SPIN1: variants seen among roughly 807,000 people sequenced by gnomAD.
The protein encoded by SPIN1 is spindlin 1, also known as spindlin-1.
SPIN1 carries 3 observed loss-of-function variants against 26.0 expected under a neutral mutation model. The observed-to-expected ratio is 0.12, with a 90% confidence interval of 0.05 to 0.30. SPIN1 has a LOEUF of 0.30. Among genes scored for constraint, SPIN1 ranks in the 10% least tolerant of loss-of-function variants. The pLI is 1.00. For synonymous variants in SPIN1, 101 were observed against 116.5 expected (o/e 0.87, Z 0.86); for missense variants, 126 against 333.4 (o/e 0.38, Z 4.84).
chr9:88,406,222 A>G (rs1827307213), intron 1 of SPIN1, among the ~76,000 whole-genome samples: 1 of 151,602 alleles, frequency 6.6e-6, no homozygotes, highest in Non-Finnish European at 1.5e-5. Flanking sequence ...TTATTGACTG[A>G]AATGTCTCTG....
intron 4 of SPIN1, among the ~76,000 whole-genome samples, chr9:88,467,745 G>A (rs1828699128): frequency 6.6e-6 from 1 of 151,838 alleles, no homozygotes; most frequent in African/African-American, 2.4e-5. Flanking sequence ...GATTACTTTG[G>A]TTGCAGTGAA....
At chr9:88,401,888 C>T (rs1033553457) in intron 1 of SPIN1, among the ~76,000 whole-genome samples, 16 of 152,326 alleles carry the variant, frequency 1.1e-4, no homozygotes, top group Non-Finnish European at 2.1e-4. Flanking sequence ...TTTATTAATA[C>T]ATAATATTTT....
rs191802716 is a variant in SPIN1, at chr9:88,423,524, T to A, written c.-158-2858T>A. 8.5e-5 allele frequency among the ~76,000 whole-genome samples: 13 copies of A among 152,102 alleles called. No homozygotes were observed. In the East Asian group the frequency reaches 2.5e-3, roughly 29 times the overall value. On this transcript the variant is annotated intron_variant, in intron 1 of 5. Coordinates refer to ENST00000375859, the MANE Select transcript of SPIN1 (RefSeq NM_006717.3). ...TGCGATCTCGGCTCACTCTAACCTC[T>A]GCCTCCCGAGTTCAAGCAGTTCTCC... is the stretch of plus-strand genomic sequence containing the variant.
At chr9:88,432,923 A>G (rs1200652018) in intron 2 of SPIN1, among the ~76,000 whole-genome samples, 1 of 151,638 alleles carries the variant, frequency 6.6e-6, no homozygotes, top group Admixed American at 6.6e-5. Flanking sequence ...TTTCTTTTAC[A>G]CAGGCTGGTT....
intron 2 of SPIN1, among the ~76,000 whole-genome samples, chr9:88,434,107 A>C (rs1390039611): frequency 6.6e-6 from 1 of 152,074 alleles, no homozygotes; most frequent in Non-Finnish European, 1.5e-5. Context: ...TTCTAATCCA[A>C]ATGAGCTGCT....
At chr9:88,390,025 T>G (rs1487104448) in intron 1 of SPIN1, among the ~76,000 whole-genome samples, 1 of 152,156 alleles carries the variant, frequency 6.6e-6, no homozygotes, top group East Asian at 1.9e-4. Context: ...TATATTAAGG[T>G]TGTAAAGAAT....
chr9:88,422,193 C>G (rs776619454), intron 1 of SPIN1, among the ~76,000 whole-genome samples: 1 of 152,166 alleles, frequency 6.6e-6, no homozygotes, highest in Non-Finnish European at 1.5e-5. Context: ...TGATGGGTCT[C>G]TCTGAATGCA....
chr9:88,413,824 G>A (rs1045801501), intron 1 of SPIN1, among the ~76,000 whole-genome samples: 22 of 152,104 alleles, frequency 1.4e-4, no homozygotes, highest in Admixed American at 1.3e-3. Flanking sequence ...GTATGATTTC[G>A]ATACAGTTCG....
chr9:88,407,898 C>A (rs1827343721), intron 1 of SPIN1, among the ~76,000 whole-genome samples: 1 of 151,538 alleles, frequency 6.6e-6, no homozygotes, highest in Non-Finnish European at 1.5e-5. Flanking sequence ...GCAGTTGAGA[C>A]CACAGGCCTG....
At chr9:88,473,660 T>TGTGTGTGTGTGC (rs887908844) in intron 5 of SPIN1, among the ~76,000 whole-genome samples, 5 of 151,948 alleles carry the variant, frequency 3.3e-5, no homozygotes, top group African/African-American at 1.2e-4. Flanking sequence ...TGTGTGTGTG[T>TGTGTGTGTGTGC]GCACGCGCTA....
At chr9:88,389,865 CTT>C (rs1268048431) in intron 1 of SPIN1, among the ~76,000 whole-genome samples, 1 of 151,992 alleles carries the variant, frequency 6.6e-6, no homozygotes, top group Non-Finnish European at 1.5e-5. Context: ...TTTTAACACT[CTT>C]TTGAAGTGAA....
intron 2 of SPIN1, among the ~76,000 whole-genome samples, chr9:88,427,492 TACTC>T (rs1193902016): frequency 6.6e-6 from 1 of 152,188 alleles, no homozygotes; most frequent in Non-Finnish European, 1.5e-5. Flanking sequence ...TATGAGAGCT[TACTC>T]AGAATCCTAG....
chr9:88,425,753 C>T (rs969655947), intron 1 of SPIN1, among the ~76,000 whole-genome samples: 3 of 151,872 alleles, frequency 2.0e-5, no homozygotes, highest in South Asian at 4.2e-4. Context: ...TTTGAGGCTC[C>T]GCTGAAATTT....
intron 4 of SPIN1, among the ~76,000 whole-genome samples, chr9:88,467,041 T>TCAC (rs1828684484): frequency 7.0e-6 from 1 of 143,206 alleles, no homozygotes; most frequent in African/African-American, 2.9e-5. Context: ...TTGTCTCTAA[T>TCAC]TGTTTGTTTG....
chr9:88,446,480 T>C (rs111893449), intron 2 of SPIN1, among the ~76,000 whole-genome samples: 4,169 of 151,566 alleles, frequency 0.028, 102 homozygotes, highest in Non-Finnish European at 0.043. Context: ...AATCTCGGCT[T>C]ACTGCAACCT....
At position 88,475,535 on chromosome 9, in the gene SPIN1, C is replaced by G. The variant is rs1828872532; in HGVS notation, c.*258C>G. 9.3e-6 allele frequency: 3 copies of G among 321,988 alleles called. 1 individual carries two copies. The highest frequency in any genetic ancestry group is 1.7e-5 in the Non-Finnish European group (3 of 175,128). 19.9% of individuals were successfully genotyped at this position (321,988 alleles called of 1,614,324 possible). A position where few individuals can be genotyped will look rare whatever the true frequency, so the allele number is the denominator to read the frequency against. On this transcript the variant is annotated 3_prime_UTR_variant, in exon 6 of 6. Transcript: ENST00000375859. ...ACAGGCAAGTTTGGTAAAAGTTAAG[C>G]TAGTATCATAGTCATTTAAAATTGT...
At chr9:88,391,667 A>G (rs899649856) in intron 1 of SPIN1, 3 of 152,160 alleles carry the variant, frequency 2.0e-5, no homozygotes, top group African/African-American at 7.2e-5. Flanking sequence ...ATCTTCTGGT[A>G]GAAGGGAAGG....
At chr9:88,441,769 TAAATA>T (rs1828136194) in intron 2 of SPIN1, among the ~76,000 whole-genome samples, 1 of 149,080 alleles carries the variant, frequency 6.7e-6, no homozygotes. Context: ...AATAAATAAA[TAAATA>T]AAAGTTTTTA....
At chr9:88,411,886 G>A (rs1827453896) in intron 1 of SPIN1, among the ~76,000 whole-genome samples, 1 of 151,798 alleles carries the variant, frequency 6.6e-6, no homozygotes, top group Non-Finnish European at 1.5e-5. Flanking sequence ...GAACAACCCC[G>A]TTTGAGGCCG....
Sources: allele counts gnomAD v4.1 joint callset (sites outside exome capture counted in the v4.1 genomes callset), GRCh38; gene constraint gnomAD v4.1.1; transcripts MANE v1.5; gene names NCBI Gene and HGNC (gene_info 2026-07-23, HGNC 2026-07-21).